Variants in RARB observed in about 807,000 individuals in gnomAD.
RARB encodes the protein retinoic acid receptor beta.
RARB carries 17 observed loss-of-function variants against 51.9 expected under a neutral mutation model. That is an observed-to-expected ratio of 0.33 (90% CI 0.22 to 0.49). The LOEUF is 0.49. RARB is among the 20% of genes least tolerant of loss of function. RARB has a pLI of 0.99. For missense variants in RARB, 369 were observed against 550.8 expected, an observed-to-expected ratio of 0.67 and a Z score of 3.30; for synonymous variants, 215 against 195.4, an observed-to-expected ratio of 1.10 and a Z score of -0.84.
chr3:25,155,824 C>T (rs1281687915), intron 4 of RARB, among the ~76,000 whole-genome samples: 2 of 152,204 alleles, frequency 1.3e-5, no homozygotes, highest in African/African-American at 4.8e-5. Context: ...ATCTGCAAAG[C>T]ATACCCCATG....
chr3:25,314,696 C>T (rs901652611), intron 5 of RARB, among the ~76,000 whole-genome samples: 16 of 151,848 alleles, frequency 1.1e-4, no homozygotes, highest in African/African-American at 3.9e-4. Flanking sequence ...TTTTAAAATA[C>T]TTTCAACTTT....
intron 5 of RARB, among the ~76,000 whole-genome samples, chr3:25,318,514 G>A (rs548191535): frequency 6.6e-6 from 1 of 152,118 alleles, no homozygotes; most frequent in African/African-American, 2.4e-5. Flanking sequence ...TCAAGAAAAT[G>A]AATGGCTCGG....
intron 5 of RARB, among the ~76,000 whole-genome samples, chr3:25,198,084 C>A (rs1454656747): frequency 6.6e-6 from 1 of 151,980 alleles, no homozygotes; most frequent in African/African-American, 2.4e-5. Context: ...ACATATAGAC[C>A]TATGGAACAG....
intron 3 of RARB, among the ~76,000 whole-genome samples, chr3:25,117,815 T>C (rs1699716753): frequency 6.6e-6 from 1 of 152,192 alleles, no homozygotes; most frequent in South Asian, 2.1e-4. Context: ...AATTACTTAT[T>C]TCTATCCTTC....
chr3:24,979,604 T>A (rs1455830979), intron 2 of RARB, among the ~76,000 whole-genome samples: 1 of 152,082 alleles, frequency 6.6e-6, no homozygotes, highest in African/African-American at 2.4e-5. Context: ...TTTTTTGTTT[T>A]TTTTTGCTTT....
intron 2 of RARB, among the ~76,000 whole-genome samples, chr3:24,940,337 G>C (rs1249195508): frequency 6.6e-6 from 1 of 152,172 alleles, no homozygotes; most frequent in Non-Finnish European, 1.5e-5. Context: ...TCAGGACTAA[G>C]ATACAGGTCT....
At chr3:24,839,928 A>G (rs939901333) in intron 1 of RARB, among the ~76,000 whole-genome samples, 1 of 152,218 alleles carries the variant, frequency 6.6e-6, no homozygotes, top group Non-Finnish European at 1.5e-5. Context: ...ATAAGGTTTT[A>G]GAAAATGTCT....
At chr3:25,354,974 G>T (rs758974173) in intron 5 of RARB, among the ~76,000 whole-genome samples, 6 of 151,920 alleles carry the variant, frequency 3.9e-5, no homozygotes, top group Admixed American at 3.3e-4. Flanking sequence ...AGGCTATCTG[G>T]GTTTGAATCC....
At chr3:25,144,194 G>C (rs1243379182) in intron 4 of RARB, among the ~76,000 whole-genome samples, 1 of 152,124 alleles carries the variant, frequency 6.6e-6, no homozygotes, top group East Asian at 1.9e-4. Flanking sequence ...AATTAGATAA[G>C]TATCTGAAAA....
At chr3:24,933,376 T>A (rs951006717) in intron 2 of RARB, among the ~76,000 whole-genome samples, 4 of 152,120 alleles carry the variant, frequency 2.6e-5, no homozygotes, top group South Asian at 4.1e-4. Flanking sequence ...TAAGCCAATT[T>A]AAAAAATTTC....
In RARB at chr3:25,361,310, CTA is replaced by C. The variant is rs374520057; in HGVS notation, c.179-99881_179-99880del. Among the ~76,000 whole-genome samples the C allele has an allele frequency of 3.8e-3, 584 of 152,242 alleles. 2 individuals carry two copies. The highest frequency in any genetic ancestry group is 0.013 in the African/African-American group (551 of 41,532). ...GTGTATGCTTCACAAAGTTCTTGTGCTATGTTTTTCAGCTCCATCAGGTCATT... is the reference window on the plus strand; with the variant it reads ...GTGTATGCTTCACAAAGTTCTTGTGCTGTTTTTCAGCTCCATCAGGTCATT... On this transcript the variant is annotated intron_variant, in intron 5 of 11. Transcript: ENST00000383772.
chr3:25,149,741 T>C (rs1342321310), intron 4 of RARB, among the ~76,000 whole-genome samples: 1 of 152,122 alleles, frequency 6.6e-6, no homozygotes, highest in Non-Finnish European at 1.5e-5. Flanking sequence ...CTGTCCCACC[T>C]CCCCTCTCCC....
chr3:25,401,374 G>A (rs972024999), intron 5 of RARB, among the ~76,000 whole-genome samples: 1 of 152,056 alleles, frequency 6.6e-6, no homozygotes, highest in Admixed American at 6.5e-5. Flanking sequence ...TTTTCATCTA[G>A]AGCCTTTATA....
intron 5 of RARB, among the ~76,000 whole-genome samples, chr3:25,416,070 A>G (rs1707694787): frequency 1.3e-5 from 2 of 152,200 alleles, no homozygotes; most frequent in Admixed American, 1.3e-4. Flanking sequence ...AAAAGAACTG[A>G]AGAAAAAGAT....
chr3:25,557,118 C>T (rs1700091265), intron 3 of RARB, among the ~76,000 whole-genome samples: 2 of 147,166 alleles, frequency 1.4e-5, no homozygotes, highest in Non-Finnish European at 3.0e-5. Context: ...TTGTGTTTTG[C>T]TTCCACATGG....
At chr3:25,410,331 C>G (rs1207666171) in intron 5 of RARB, among the ~76,000 whole-genome samples, 1 of 152,190 alleles carries the variant, frequency 6.6e-6, no homozygotes, top group Non-Finnish European at 1.5e-5. Flanking sequence ...ATCTGTCTCT[C>G]TTACTTTCTT....
intron 5 of RARB, among the ~76,000 whole-genome samples, chr3:25,294,786 C>T (rs1691369613): frequency 6.7e-6 from 1 of 149,514 alleles, no homozygotes; most frequent in South Asian, 2.1e-4. Flanking sequence ...CCTACTGTTT[C>T]TGTAAAAGAA....
chr3:25,436,596 G>T (rs1282076821), intron 1 of RARB, among the ~76,000 whole-genome samples: 1 of 152,194 alleles, frequency 6.6e-6, no homozygotes, highest in Non-Finnish European at 1.5e-5. Context: ...GTTTGGATTT[G>T]CAGGGAAAGT....
At chr3:25,303,961 C>T (rs1704098534) in intron 5 of RARB, among the ~76,000 whole-genome samples, 1 of 152,000 alleles carries the variant, frequency 6.6e-6, no homozygotes, top group Non-Finnish European at 1.5e-5. Context: ...CTTGGTGATG[C>T]CTGCTATGAA....
Sources: allele counts gnomAD v4.1 joint callset (sites outside exome capture counted in the v4.1 genomes callset), GRCh38; gene constraint gnomAD v4.1.1; transcripts MANE v1.5; gene names NCBI Gene and HGNC (gene_info 2026-07-23, HGNC 2026-07-21).